The following DYNLT5 variants were observed in gnomAD, a reference collection of about 807,000 sequenced individuals.
DYNLT5 encodes dynein light chain Tctex-type 5.
A neutral mutation model predicts 19.3 loss-of-function variants in DYNLT5; 25 were observed. The ratio of observed to expected loss-of-function variants is 1.30; its 90% CI spans 0.95 to 1.81. The LOEUF (loss-of-function observed/expected upper bound fraction) is 1.81. Ranked by LOEUF, DYNLT5 falls within the 40% of genes most tolerant of loss-of-function variation. The pLI is 0.00. For synonymous variants in DYNLT5, 82 were observed against 68.9 expected (o/e 1.19, Z -0.94); for missense variants, 232 against 217.9 (o/e 1.06, Z -0.41).
At chr1:66,758,445 C>T (rs1300074258) in intron 2 of DYNLT5, among the ~76,000 whole-genome samples, 1 of 152,120 alleles carries the variant, frequency 6.6e-6, no homozygotes, top group Non-Finnish European at 1.5e-5. Context: ...AGATTAGGGA[C>T]AAGGTTGGGG....
At chr1:66,770,803 T>C (rs549361141) in intron 3 of DYNLT5, 38 of 360,036 alleles carry the variant, frequency 1.1e-4, no homozygotes, top group South Asian at 5.4e-4. Flanking sequence ...AGATAAGTAT[T>C]GATATTTTAT....
intron 2 of DYNLT5, among the ~76,000 whole-genome samples, chr1:66,766,748 T>A (rs17441669): frequency 0.12 from 18,288 of 152,220 alleles, 1,165 homozygotes; most frequent in South Asian, 0.16. Flanking sequence ...AACTATCAGA[T>A]CTCAGATTTT....
At chr1:66,768,467 G>A (rs1208498861) in intron 2 of DYNLT5, among the ~76,000 whole-genome samples, 2 of 152,152 alleles carry the variant, frequency 1.3e-5, no homozygotes, top group Admixed American at 6.5e-5. Flanking sequence ...CTCAAAAAAA[G>A]TCAATCTGCA....
rs571007323 is a variant in DYNLT5, at chr1:66,776,410, G to T, written c.336+7G>T. Reference sequence around the variant, plus strand: ...GACTAAAACCATTTCTGAGGTACGTGTGTGATTTGCCCAAAGTGTTAACAA... The same window carrying T: ...GACTAAAACCATTTCTGAGGTACGTTTGTGATTTGCCCAAAGTGTTAACAA... On this transcript the variant is annotated splice_region_variant and intron_variant, in intron 4 of 4. Coordinates refer to ENST00000282670, the MANE Select transcript of DYNLT5 (RefSeq NM_152665.3). 4 of 1,594,842 alleles carry T rather than the reference G, an allele frequency of 2.5e-6. No homozygotes were observed. The highest frequency in any genetic ancestry group is 1.3e-5 in the African/African-American group (1 of 74,586).
intron 3 of DYNLT5, among the ~76,000 whole-genome samples, chr1:66,772,674 T>C (rs1375788045): frequency 1.3e-5 from 2 of 152,202 alleles, no homozygotes; most frequent in Non-Finnish European, 2.9e-5. Flanking sequence ...TCAATAATGT[T>C]TGCCTCATCT....
intron 3 of DYNLT5, among the ~76,000 whole-genome samples, chr1:66,771,323 C>G (rs1292781988): frequency 6.6e-6 from 1 of 152,210 alleles, no homozygotes; most frequent in African/African-American, 2.4e-5. Flanking sequence ...TCCTGCCATC[C>G]AATATACTTT....
At chr1:66,755,087 T>C (rs1332798951) in intron 2 of DYNLT5, among the ~76,000 whole-genome samples, 2 of 152,208 alleles carry the variant, frequency 1.3e-5, no homozygotes, top group African/African-American at 2.4e-5. Flanking sequence ...CTCAATATTT[T>C]ATAACATAGG....
rs2094626926 is a variant in DYNLT5, at chr1:66,752,471, G to C, written c.-117G>C. On this transcript the variant is annotated 5_prime_UTR_variant, in exon 1 of 5. Transcript: ENST00000282670. ...GGAGACCGGCCTCAGAGTCCAGGGAGAGTGCGCGGGCGGCCGCCGGCTGAA... is the reference window on the plus strand; with the variant it reads ...GGAGACCGGCCTCAGAGTCCAGGGACAGTGCGCGGGCGGCCGCCGGCTGAA... 2.0e-6 allele frequency: 2 copies of C among 985,416 alleles called. No individual in the cohort carries two copies. The highest frequency in any genetic ancestry group is 2.4e-6 in the Non-Finnish European group (2 of 830,020). 61.0% of individuals were successfully genotyped at this position (985,416 alleles called of 1,614,324 possible).
At chr1:66,776,014 G>T (rs546249568) in intron 3 of DYNLT5, 2 of 274,982 alleles carry the variant, frequency 7.3e-6, no homozygotes, top group African/African-American at 2.2e-5. Context: ...AATGGGGCCT[G>T]GGAAGGAAGA....
At position 66,777,381 on chromosome 1, in the gene DYNLT5, C is replaced by G. The variant is rs1274177856; in HGVS notation, c.467C>G (p.Thr156Ser). ...TGCCTCTGGGATCCTAAAAGTGATA[C>G]CTTTTCATCTTATGTTTTCAGAAAT... ...SRCLWDPKSD[T>S]FSSYVFRNSS... The change falls in exon 5 of 5, where the codon ACC becomes AGC. Residue 156 changes from threonine to serine, a missense_variant. By Grantham distance (58) the Thr-to-Ser change is moderately conservative. Transcript: ENST00000282670. The G allele has an allele frequency of 1.9e-6, 3 of 1,613,888 alleles. No homozygotes were observed. Among genetic ancestry groups the G allele is most frequent in the South Asian group, 1.1e-5 (1 of 91,072 alleles).
rs1216826287 is a variant in DYNLT5 at position 66,776,556 on chromosome 1, T to G, written c.336+153T>G. Among the ~76,000 whole-genome samples the G allele has an allele frequency of 7.8e-3, 1,100 of 141,326 alleles. 22 individuals carry two copies. The highest frequency in any genetic ancestry group is 0.027 in the African/African-American group (1,054 of 38,434). The allele number at this position is 141,326 out of a possible 152,430, so 92.7% of individuals were successfully genotyped here. A position where few individuals can be genotyped will look rare whatever the true frequency, so the allele number is the denominator to read the frequency against. On this transcript the variant is annotated intron_variant, in intron 4 of 4. Coordinates refer to ENST00000282670, the MANE Select transcript of DYNLT5 (RefSeq NM_152665.3). Reference sequence around the variant, plus strand: ...GTCATATTCTACATATATGTGTGTGTGTGGGTGTGTGTGTGTGTGTGTATA... The same window carrying G: ...GTCATATTCTACATATATGTGTGTGGGTGGGTGTGTGTGTGTGTGTGTATA...
intron 2 of DYNLT5, among the ~76,000 whole-genome samples, chr1:66,761,249 T>A (rs2094645501): frequency 6.6e-6 from 1 of 152,198 alleles, no homozygotes; most frequent in South Asian, 2.1e-4. Context: ...CCAGTGCACA[T>A]AAAAATTGTT....
chr1:66,773,638 A>G (rs1307357100), intron 3 of DYNLT5, among the ~76,000 whole-genome samples: 1 of 149,584 alleles, frequency 6.7e-6, no homozygotes, highest in East Asian at 2.0e-4. Context: ...TTATTGTCTC[A>G]TTTAATTCTA....
chr1:66,754,525 G>T, intron 1 of DYNLT5, 131 bp from the exon 2 acceptor site: 2 of 878,516 alleles, frequency 2.3e-6, no homozygotes, highest in Non-Finnish European at 3.2e-6. Context: ...TATTGCTCTT[G>T]AGGAAACCCC....
intron 2 of DYNLT5, among the ~76,000 whole-genome samples, chr1:66,758,506 TAC>T (rs1016293379): frequency 1.3e-5 from 2 of 152,206 alleles, no homozygotes; most frequent in Non-Finnish European, 2.9e-5. Context: ...GATGTCATGT[TAC>T]CAGAACTTTC....
chr1:66,754,829 A>C, intron 2 of DYNLT5, 52 bp downstream of exon 2: 1 of 1,551,904 alleles, frequency 6.4e-7, no homozygotes, highest in Non-Finnish European at 8.7e-7. Context: ...ATAGGTTCGT[A>C]ATGTTTATTA....
intron 2 of DYNLT5, 138 bp downstream of exon 2, chr1:66,754,915 G>A (rs930222270): frequency 1.5e-5 from 12 of 796,362 alleles, no homozygotes; most frequent in Admixed American, 4.1e-5. Context: ...ATCTTTAGGG[G>A]CCATATTTAA....
chr1:66,758,532 C>T (rs1157884148), intron 2 of DYNLT5, among the ~76,000 whole-genome samples: 1 of 152,188 alleles, frequency 6.6e-6, no homozygotes, highest in Admixed American at 6.5e-5. Context: ...ATGGATCCCA[C>T]AGCTCCCCGT....
intron 1 of DYNLT5, among the ~76,000 whole-genome samples, chr1:66,752,812 T>C (rs546102297): frequency 6.6e-6 from 1 of 151,912 alleles, no homozygotes; most frequent in African/African-American, 2.4e-5. Flanking sequence ...GCTTCAAGAG[T>C]GATGGCCAAC....
Sources: gnomAD v4.1 joint callset for allele counts (sites outside exome capture counted in the v4.1 genomes callset) on GRCh38, gnomAD v4.1.1 for gene constraint, MANE v1.5 for transcripts, NCBI Gene and HGNC (gene_info 2026-07-23, HGNC 2026-07-21) for gene names.